The following LLGL2 variants were observed in gnomAD, a reference collection of about 807,000 sequenced individuals.
LLGL2 encodes the protein LLGL2, scribble cell polarity complex component.
Under a neutral mutation model 123.2 loss-of-function variants are expected in LLGL2, and 81 were observed. The observed-to-expected ratio is 0.66, with a 90% CI of 0.55 to 0.79. LLGL2 has a LOEUF of 0.79. LLGL2 is among the 30% of genes least tolerant of loss of function. LLGL2 has a pLI of 0.00. For synonymous variants in LLGL2, 577 were observed against 594.1 expected (o/e 0.97, Z 0.42); for missense variants, 1,273 against 1,414.6 (o/e 0.90, Z 1.61).
rs575819197 is a variant in LLGL2, at chr17:75,527,556, G to GA, written c.-31+1737dup. ...ACATTCATAAATAAGAAATAAAATA[G>GA]AAAAAAGTAACTTTTTTCTCTTTTT... On this transcript the variant is annotated intron_variant, in intron 1 of 25. Coordinates refer to ENST00000392550, the MANE Select transcript of LLGL2 (RefSeq NM_001031803.2). 1.6e-4 allele frequency among the ~76,000 whole-genome samples: 24 copies of GA among 151,864 alleles called. No individual in the cohort carries two copies. In the East Asian group the frequency reaches 4.4e-3, roughly 28 times the overall value.
rs758204481 is a variant in LLGL2 at position 75,558,803 on chromosome 17, C to A, written c.371+176C>A. 1.9e-4 allele frequency among the ~76,000 whole-genome samples: 29 copies of A among 151,694 alleles called. No homozygotes were observed. Among genetic ancestry groups the A allele is most frequent in the African/African-American group, 6.8e-4 (28 of 41,346 alleles). ...CCGAGTGGAGTGGGCGGGGCTGCAG[C>A]CTGCCTCCTCCATCCACACCACGCC... On this transcript the variant is annotated intron_variant, in intron 5 of 25. Transcript: ENST00000392550. The surrounding 1 kb of genome is among the most constrained non-coding windows in gnomAD (Gnocchi z 4.0).
intron 6 of LLGL2, among the ~76,000 whole-genome samples, chr17:75,560,111 C>T (rs1340379321): frequency 6.6e-6 from 1 of 152,212 alleles, no homozygotes; most frequent in East Asian, 1.9e-4. Context: ...GGACACACTC[C>T]TGCAGCTGGC....
At position 75,549,474 on chromosome 17, in the gene LLGL2, C is replaced by T. The variant is rs2054570596; in HGVS notation, c.75+5973C>T. Among the ~76,000 whole-genome samples the T allele has an allele frequency of 6.6e-6, 1 of 151,840 alleles. No individual in the cohort carries two copies. The highest frequency in any genetic ancestry group is 2.4e-5 in the African/African-American group (1 of 41,414). On this transcript the variant is annotated intron_variant, in intron 2 of 25. Coordinates refer to ENST00000392550, the MANE Select transcript of LLGL2 (RefSeq NM_001031803.2). This position sits in a 1 kb window ranked among gnomAD's most constrained non-coding sequence, Gnocchi z 4.0. ...GCCCACCCTCCTCTGTCCCCTTAGG[C>T]CCTGAACAAACAGTGTGTTCCTGAC...
intron 1 of LLGL2, among the ~76,000 whole-genome samples, chr17:75,537,251 C>G (rs2054038378): frequency 6.6e-6 from 1 of 152,174 alleles, no homozygotes; most frequent in Admixed American, 6.5e-5. Flanking sequence ...ACATCAAGGC[C>G]AGGAGACATG....
intron 3 of LLGL2, among the ~76,000 whole-genome samples, chr17:75,557,034 C>CTTTTTTTTTTTTT (rs55649536): frequency 9.1e-6 from 1 of 109,890 alleles, no homozygotes. Flanking sequence ...GTCTCAAAAA[C>CTTTTTTTTTTTTT]TTTTTTTTTT....
Position 75,559,739 on chromosome 17 carries a change from G to A in LLGL2, c.530+329G>A, listed in dbSNP as rs144813425. Among the ~76,000 whole-genome samples, 924 of 152,320 alleles carry A rather than the reference G, an allele frequency of 6.1e-3. 14 individuals carry two copies. Among genetic ancestry groups the A allele is most frequent in the African/African-American group, 0.021 (856 of 41,574 alleles). The stretch of plus-strand genomic sequence containing the variant: ...CCAGGGGCTCCGCAGCGGGGAAGTC[G>A]GGCCCAGACCTCCCTGTGTCACTGG... On this transcript the variant is annotated intron_variant, in intron 6 of 25. Transcript: ENST00000392550. The surrounding 1 kb of genome is among the most constrained non-coding windows in gnomAD (Gnocchi z 4.6).
At chr17:75,537,729 A>G (rs1396074196) in intron 1 of LLGL2, among the ~76,000 whole-genome samples, 1 of 150,664 alleles carries the variant, frequency 6.6e-6, no homozygotes, top group Non-Finnish European at 1.5e-5. Context: ...ACCATGGTGG[A>G]CAGGGACAGC....
Position 75,558,313 on chromosome 17 carries a change from G to A in LLGL2, c.255+77G>A. On this transcript the variant is annotated intron_variant, in intron 4 of 25. Transcript: ENST00000392550. This position sits in a 1 kb window ranked among gnomAD's most constrained non-coding sequence, Gnocchi z 4.0. ...CACTGCTTCCAGCAGGGCTGGTGTG[G>A]AGAGGCTGGCATTCGGTGGCCCTGG... 1 of 1,436,218 alleles carries A rather than the reference G, an allele frequency of 7.0e-7. No individual in the cohort carries two copies. The highest frequency in any genetic ancestry group is 9.6e-7 in the Non-Finnish European group (1 of 1,037,852). 89.0% of individuals were successfully genotyped at this position (1,436,218 alleles called of 1,614,324 possible). A position where few individuals can be genotyped will look rare whatever the true frequency, so the allele number is the denominator to read the frequency against.
chr17:75,573,884 G>A (rs2055848193), intron 21 of LLGL2, 68 bp from the exon 22 acceptor site: 1 of 1,520,696 alleles, frequency 6.6e-7, no homozygotes, highest in South Asian at 1.2e-5. Context: ...GTTCTTCATG[G>A]GACCAGGGCT....
chr17:75,568,240 A>T, intron 10 of LLGL2: 1 of 1,413,702 alleles, frequency 7.1e-7, no homozygotes, highest in Non-Finnish European at 9.2e-7. Flanking sequence ...CCTTCCAGCC[A>T]GGTGTATCCC....
chr17:75,543,086 CTAAT>C, intron 1 of LLGL2: 1 of 187,070 alleles, frequency 5.3e-6, no homozygotes, highest in East Asian at 1.3e-4. Flanking sequence ...AACAATTAAG[CTAAT>C]TAACCTCAGG....
upstream of LLGL2, among the ~76,000 whole-genome samples, chr17:75,525,488 G>A (rs569637201): frequency 2.1e-4 from 32 of 151,822 alleles, no homozygotes; most frequent in African/African-American, 6.7e-4. The surrounding 1 kb of genome is among the most constrained non-coding windows in gnomAD (Gnocchi z 4.8). Context: ...GCGCAGGTGA[G>A]GCCGGGGCGG....
chr17:75,551,017 G>A (rs181050713), intron 2 of LLGL2, among the ~76,000 whole-genome samples: 4 of 152,196 alleles, frequency 2.6e-5, no homozygotes, highest in African/African-American at 9.6e-5. Flanking sequence ...CTAACCTAGG[G>A]CTCCCCTGCC....
In LLGL2 at chr17:75,559,375, G is replaced by A; in HGVS notation, c.495G>A (p.Glu165=). 2.5e-6 allele frequency: 4 copies of A among 1,612,934 alleles called. No individual in the cohort carries two copies. The highest frequency in any genetic ancestry group is 2.5e-6 in the Non-Finnish European group (3 of 1,179,764). The part of the protein sequence containing the change: ...VVQLPAFRAL[E]DRTISSDAVL... ...AGCTGCCAGCTTTTCGTGCGCTGGAGGACCGGACCATCAGCTCGGACGCGG... is the reference window on the plus strand; with the variant it reads ...AGCTGCCAGCTTTTCGTGCGCTGGAAGACCGGACCATCAGCTCGGACGCGG... Residue 165 remains glutamate (E), a synonymous_variant, in exon 6 of 26, where the codon GAG becomes GAA. Coordinates refer to ENST00000392550, the MANE Select transcript of LLGL2 (RefSeq NM_001031803.2). This position sits in a 1 kb window ranked among gnomAD's most constrained non-coding sequence, Gnocchi z 4.6.
intron 6 of LLGL2, among the ~76,000 whole-genome samples, chr17:75,560,805 A>T (rs1221558844): frequency 2.1e-5 from 1 of 48,206 alleles, no homozygotes; most frequent in Non-Finnish European, 3.9e-5. Context: ...TATTTATTAA[A>T]AAAAAAAAAA....
rs1229471913 is a variant in LLGL2 at position 75,558,418 on chromosome 17, G to A, written c.256-94G>A. ...ATGGGCCACCCTGGGAGTGGCCAGGGGGTCTTTTAAACAACTGGGGCTGCG... is the reference window on the plus strand; with the variant it reads ...ATGGGCCACCCTGGGAGTGGCCAGGAGGTCTTTTAAACAACTGGGGCTGCG... On this transcript the variant is annotated intron_variant, in intron 4 of 25. Coordinates refer to ENST00000392550, the MANE Select transcript of LLGL2 (RefSeq NM_001031803.2). The surrounding 1 kb of genome is among the most constrained non-coding windows in gnomAD (Gnocchi z 4.0). 12 of 1,216,494 alleles carry A rather than the reference G, an allele frequency of 9.9e-6. No individual in the cohort carries two copies. Among genetic ancestry groups the A allele is most frequent in the Non-Finnish European group, 1.3e-5 (11 of 867,272 alleles). The allele number at this position is 1,216,494 out of a possible 1,614,324, so 75.4% of individuals were successfully genotyped here. A position where few individuals can be genotyped will look rare whatever the true frequency, so the allele number is the denominator to read the frequency against.
rs1385140285 is a variant in LLGL2 at position 75,570,499 on chromosome 17, G to GT, written c.2025+2dup. The GT allele has an allele frequency of 6.4e-7, 1 of 1,569,578 alleles. No individual in the cohort carries two copies. The highest frequency in any genetic ancestry group is 1.9e-5 in the Admixed American group (1 of 53,610). On this transcript the variant is annotated splice_donor_variant, in intron 16 of 25. Coordinates refer to ENST00000392550, the MANE Select transcript of LLGL2 (RefSeq NM_001031803.2). LOFTEE classifies it high-confidence loss of function. ...GCACCCGGCTGGCCCCCCAGGAGAG[G>GT]TGAGGCCTGAGGTGAGGCTGCGGCC...
chr17:75,535,732 C>G (rs1244002087), intron 1 of LLGL2, among the ~76,000 whole-genome samples: 1 of 152,232 alleles, frequency 6.6e-6, no homozygotes, highest in Non-Finnish European at 1.5e-5. Flanking sequence ...TCTCTGCCCC[C>G]ACTGGTCTCT....
At chr17:75,574,345 C>T (rs975735638) in intron 23 of LLGL2, 85 bp downstream of exon 23, 1 of 1,529,138 alleles carries the variant, frequency 6.5e-7, no homozygotes, top group Non-Finnish European at 8.8e-7. Flanking sequence ...GGCCACTGCC[C>T]TGAGGCGGGG....
Sources: gnomAD v4.1 joint callset for allele counts (sites outside exome capture counted in the v4.1 genomes callset) on GRCh38, gnomAD v4.1.1 for gene constraint, Gnocchi (gnomAD v3.1) non-coding constraint, MANE v1.5 for transcripts, NCBI Gene and HGNC (gene_info 2026-07-23, HGNC 2026-07-21) for gene names.